STPG2: variants seen among roughly 807,000 people sequenced by gnomAD.
STPG2 encodes the protein sperm tail PG-rich repeat containing 2, also known as sperm-tail PG-rich repeat-containing protein 2.
Under a neutral mutation model 54.2 loss-of-function variants are expected in STPG2, and 56 were observed. The ratio of observed to expected loss-of-function variants is 1.03; its 90% CI spans 0.83 to 1.29. The LOEUF (loss-of-function observed/expected upper bound fraction) is 1.29, where lower values mean the gene tolerates loss of function less well. Ranked by LOEUF, STPG2 falls within the 50% of genes most tolerant of loss-of-function variation. STPG2 has a pLI of 0.00. For missense variants in STPG2, 596 were observed against 544.9 expected (o/e 1.09, Z -0.93); for synonymous variants, 200 against 181.8 (o/e 1.10, Z -0.81).
chr4:98,066,972 T>TG (rs1263759855), intron 5 of STPG2, among the ~76,000 whole-genome samples: 3 of 152,160 alleles, frequency 2.0e-5, no homozygotes, highest in African/African-American at 7.2e-5. Flanking sequence ...GAGGTTGGCA[T>TG]TTATGGATGT....
intron 4 of STPG2, among the ~76,000 whole-genome samples, chr4:97,466,419 G>A (rs1334232025): frequency 2.6e-5 from 4 of 151,968 alleles, no homozygotes; most frequent in Admixed American, 6.6e-5. Context: ...GTCAAGCACT[G>A]CCTCTTAATA....
intron 7 of STPG2, among the ~76,000 whole-genome samples, chr4:97,963,658 C>CAT (rs935184223): frequency 7.9e-5 from 12 of 151,310 alleles, no homozygotes; most frequent in African/African-American, 2.2e-4. Context: ...ATTTGAAATA[C>CAT]ATATATATAT....
At chr4:98,019,634 T>A (rs1188520967) in intron 5 of STPG2, among the ~76,000 whole-genome samples, 1 of 150,586 alleles carries the variant, frequency 6.6e-6, no homozygotes, top group African/African-American at 2.5e-5. Flanking sequence ...CAATATTGAT[T>A]CTTCCAACCA....
intron 8 of STPG2, among the ~76,000 whole-genome samples, chr4:97,907,807 C>T (rs1314315736): frequency 6.6e-6 from 1 of 152,162 alleles, no homozygotes; most frequent in Non-Finnish European, 1.5e-5. Context: ...GGAAAACTGG[C>T]TAGCCATATG....
intron 4 of STPG2, among the ~76,000 whole-genome samples, chr4:97,481,508 G>C (rs1030296056): frequency 6.6e-6 from 1 of 151,422 alleles, no homozygotes; most frequent in Non-Finnish European, 1.5e-5. Context: ...GATTTATTAG[G>C]AATGTTAAAG....
intron 8 of STPG2, among the ~76,000 whole-genome samples, chr4:97,880,163 C>T (rs537968087): frequency 6.6e-6 from 1 of 152,050 alleles, no homozygotes; most frequent in Non-Finnish European, 1.5e-5. Flanking sequence ...ACAGATGGAA[C>T]TGGAAGATAT....
intron 4 of STPG2, among the ~76,000 whole-genome samples, chr4:97,461,558 C>G (rs1242606959): frequency 1.3e-5 from 2 of 152,132 alleles, no homozygotes; most frequent in African/African-American, 2.4e-5. Flanking sequence ...TACCAGAACC[C>G]AACCATGCTC....
At chr4:97,798,252 C>T (rs986113574) in intron 9 of STPG2, among the ~76,000 whole-genome samples, 2 of 152,128 alleles carry the variant, frequency 1.3e-5, no homozygotes, top group African/African-American at 4.8e-5. Flanking sequence ...TCTTGCTTCT[C>T]TAGTTCTTTT....
At chr4:97,719,172 A>G (rs1160387021) in intron 9 of STPG2, among the ~76,000 whole-genome samples, 1 of 151,962 alleles carries the variant, frequency 6.6e-6, no homozygotes, top group Non-Finnish European at 1.5e-5. Context: ...AATTTTTTAC[A>G]TTAATAATGT....
At chr4:97,909,170 A>T (rs1578680071) in intron 8 of STPG2, among the ~76,000 whole-genome samples, 1 of 151,958 alleles carries the variant, frequency 6.6e-6, no homozygotes, top group Non-Finnish European at 1.5e-5. Context: ...AGGAATTTTA[A>T]GAAGCAATTG....
intron 4 of STPG2, among the ~76,000 whole-genome samples, chr4:97,459,209 A>G (rs1159518439): frequency 3.3e-5 from 5 of 152,110 alleles, no homozygotes; most frequent in Non-Finnish European, 7.4e-5. Flanking sequence ...AGAGGCAGAA[A>G]GGAAGAGTGC....
Position 97,453,730 on chromosome 4 carries a change from G to A in STPG2, c.462+258969C>T, listed in dbSNP as rs538186579. On this transcript the variant is annotated intron_variant, in intron 4 of 4. Coordinates refer to the STPG2 transcript ENST00000522676. Reference sequence around the variant, plus strand: ...CATTCTCTAAAAATGAGGAATTAGTGTGGTATCATTGAAAACAATATACTG... The same window carrying A: ...CATTCTCTAAAAATGAGGAATTAGTATGGTATCATTGAAAACAATATACTG... Among the ~76,000 whole-genome samples, 8 of 152,262 alleles carry A rather than the reference G, an allele frequency of 5.3e-5. No homozygotes were observed. In the South Asian group the frequency reaches 1.7e-3, roughly 32 times the overall value.
At chr4:97,472,807 T>C (rs1181339303) in intron 4 of STPG2, among the ~76,000 whole-genome samples, 1 of 152,098 alleles carries the variant, frequency 6.6e-6, no homozygotes, top group Non-Finnish European at 1.5e-5. Context: ...ATGGTGACAA[T>C]AAAAGGATCA....
At chr4:97,898,052 C>A (rs900473979) in intron 8 of STPG2, among the ~76,000 whole-genome samples, 2 of 152,062 alleles carry the variant, frequency 1.3e-5, no homozygotes, top group African/African-American at 2.4e-5. Context: ...ACATTTAAGT[C>A]TTTAATCCAT....
intron 9 of STPG2, among the ~76,000 whole-genome samples, chr4:97,785,287 A>G (rs1010163035): frequency 6.6e-6 from 1 of 152,066 alleles, no homozygotes; most frequent in Non-Finnish European, 1.5e-5. Context: ...GTGAAATGCA[A>G]TAACAATTCC....
chr4:98,036,672 G>A (rs1402396493), intron 5 of STPG2, among the ~76,000 whole-genome samples: 2 of 151,554 alleles, frequency 1.3e-5, no homozygotes, highest in Admixed American at 1.3e-4. Context: ...AGGGTGGGAA[G>A]AGGGAGAGGA....
chr4:97,858,063 C>T (rs557928455), intron 8 of STPG2, among the ~76,000 whole-genome samples: 34 of 151,994 alleles, frequency 2.2e-4, no homozygotes, highest in African/African-American at 5.3e-4. Flanking sequence ...TAGTCTCAAA[C>T]GGGCAAATCT....
intron 9 of STPG2, among the ~76,000 whole-genome samples, chr4:97,721,839 C>G (rs1724458785): frequency 6.6e-6 from 1 of 152,004 alleles, no homozygotes; most frequent in Non-Finnish European, 1.5e-5. Flanking sequence ...TCCAGAGACT[C>G]AGAGTAAACA....
chr4:97,893,258 A>G (rs547222598), intron 8 of STPG2: 1 of 152,112 alleles, frequency 6.6e-6, no homozygotes, highest in East Asian at 1.9e-4. Flanking sequence ...ATTATAATGG[A>G]CTATTCATTT....
Sources: allele counts gnomAD v4.1 joint callset (sites outside exome capture counted in the v4.1 genomes callset), GRCh38; gene constraint gnomAD v4.1.1; transcripts MANE v1.5; gene names NCBI Gene and HGNC (gene_info 2026-07-23, HGNC 2026-07-21).